Variants in CLIC5 observed in about 807,000 individuals in gnomAD.
CLIC5 encodes the protein CLIC family member 5.
In CLIC5, 20 loss-of-function variants were observed where a neutral mutation model predicts 24.7. The observed-to-expected ratio is 0.81, with a 90% CI of 0.57 to 1.18. The LOEUF is 1.18. Among genes scored for constraint, CLIC5 ranks in the 50% most tolerant of loss-of-function variants. The probability of loss-of-function intolerance (pLI) is 0.00; values close to 1 mark genes in which losing one functional copy is unlikely to be tolerated. For missense variants in CLIC5, 341 were observed against 326.1 expected (o/e 1.05, Z -0.35); for synonymous variants, 159 against 135.6 (o/e 1.17, Z -1.20).
chr6:46,083,923 G>A (rs1249082731), upstream of CLIC5, among the ~76,000 whole-genome samples: 1 of 152,116 alleles, frequency 6.6e-6, no homozygotes, highest in African/African-American at 2.4e-5. Flanking sequence ...TCTCTTTGTA[G>A]GTCACTCAGG....
intron 1 of CLIC5, among the ~76,000 whole-genome samples, chr6:45,960,213 C>T (rs1764800494): frequency 6.6e-6 from 1 of 152,018 alleles, no homozygotes; most frequent in South Asian, 2.1e-4. Context: ...TGATAATTGG[C>T]CAAAAGTCAC....
At chr6:46,078,331 G>C (rs1252012228) in intron 1 of CLIC5, among the ~76,000 whole-genome samples, 1 of 151,836 alleles carries the variant, frequency 6.6e-6, no homozygotes, top group Non-Finnish European at 1.5e-5. Flanking sequence ...TTGCACTCCA[G>C]CCTGGGTGAC....
At chr6:45,914,632 T>G in intron 4 of CLIC5, 1 of 857,890 alleles carries the variant, frequency 1.2e-6, no homozygotes, top group Non-Finnish European at 1.5e-6. Context: ...CACTAGCTAA[T>G]CTTTTGCTTT....
intron 6 of CLIC5, chr6:45,892,107 G>A (rs969941469): frequency 6.6e-6 from 1 of 152,094 alleles, no homozygotes; most frequent in Non-Finnish European, 1.5e-5. Flanking sequence ...CTTCCTGACC[G>A]AGGAAGACTA....
chr6:45,884,274 C>A (rs1762285211), intron 6 of CLIC5, among the ~76,000 whole-genome samples: 1 of 152,158 alleles, frequency 6.6e-6, no homozygotes, highest in Non-Finnish European at 1.5e-5. Context: ...AAAAGTGTCC[C>A]ACAGGTAGGA....
At chr6:46,072,052 T>C (rs1762615977) in intron 1 of CLIC5, among the ~76,000 whole-genome samples, 1 of 151,010 alleles carries the variant, frequency 6.6e-6, no homozygotes, top group African/African-American at 2.4e-5. Flanking sequence ...CACAGACAAA[T>C]AGAGGGGAAC....
At chr6:46,024,323 A>G (rs1485229783) in intron 1 of CLIC5, among the ~76,000 whole-genome samples, 1 of 152,196 alleles carries the variant, frequency 6.6e-6, no homozygotes, top group Non-Finnish European at 1.5e-5. Context: ...GCCAGTCAGA[A>G]CACTGCAATC....
rs1394269631 is a variant in CLIC5 at position 46,047,046 on chromosome 6, G to T, written c.540+32657C>A. ...AAGGGACCTACCGTAGTGTTCACAT[G>T]ATTTATTTTTGCAAAATTTGCAAGC... On this transcript the variant is annotated intron_variant, in intron 1 of 5. Coordinates refer to the CLIC5 transcript ENST00000185206. Among the ~76,000 whole-genome samples the T allele has an allele frequency of 7.2e-5, 11 of 152,290 alleles. No homozygotes were observed. In the South Asian group the frequency reaches 2.3e-3, roughly 32 times the overall value.
rs1043988083 is a variant in CLIC5, at chr6:45,941,424, A to C, written c.406+123T>G. 5.0e-4 allele frequency: 386 copies of C among 766,030 alleles called. 1 individual carries two copies. Among genetic ancestry groups the C allele is most frequent in the Middle Eastern group, 7.6e-4 (2 of 2,632 alleles). 47.5% of individuals were successfully genotyped at this position (766,030 alleles called of 1,614,324 possible). ...TGGCGGGGGGTGGGGGCAAATAATA[A>C]GCAGTATTGGTTCCAGATGCTTCTC... On this transcript the variant is annotated intron_variant, in intron 4 of 5. Coordinates refer to ENST00000339561, the MANE Select transcript of CLIC5 (RefSeq NM_016929.5).
chr6:45,884,559 C>T (rs1182531047), intron 6 of CLIC5, among the ~76,000 whole-genome samples: 1 of 152,162 alleles, frequency 6.6e-6, no homozygotes, highest in African/African-American at 2.4e-5. Flanking sequence ...CATGGCCACC[C>T]TAGTGCAAGG....
chr6:45,892,470 T>C (rs1025964573), intron 6 of CLIC5, among the ~76,000 whole-genome samples: 12 of 152,194 alleles, frequency 7.9e-5, no homozygotes, highest in African/African-American at 2.7e-4. Flanking sequence ...GGCTCAGTAG[T>C]CTCAGACCAG....
the CLIC5 span, among the ~76,000 whole-genome samples, chr6:46,111,645 C>T: frequency 6.6e-6 from 1 of 152,148 alleles, no homozygotes; most frequent in Non-Finnish European, 1.5e-5. Flanking sequence ...CTCTATCTAA[C>T]AACATTTAAC....
intron 1 of CLIC5, among the ~76,000 whole-genome samples, chr6:46,035,522 G>A (rs1372214252): frequency 6.6e-6 from 1 of 152,094 alleles, no homozygotes; most frequent in Admixed American, 6.5e-5. Flanking sequence ...GTTTGCCTCT[G>A]GATATTGAAT....
At chr6:45,987,847 A>G (rs1235668423) in intron 1 of CLIC5, among the ~76,000 whole-genome samples, 1 of 152,198 alleles carries the variant, frequency 6.6e-6, no homozygotes, top group African/African-American at 2.4e-5. Flanking sequence ...TCCTAAAAGC[A>G]CTATCTCCAG....
chr6:46,057,106 T>C (rs1187373278), intron 1 of CLIC5, among the ~76,000 whole-genome samples: 2 of 152,248 alleles, frequency 1.3e-5, no homozygotes, highest in Admixed American at 6.5e-5. Flanking sequence ...CCCAGTGGTA[T>C]GATGTTGCAT....
chr6:46,050,390 A>G (rs1002490936), intron 1 of CLIC5, among the ~76,000 whole-genome samples: 1 of 152,174 alleles, frequency 6.6e-6, no homozygotes, highest in African/African-American at 2.4e-5. Flanking sequence ...AGAAATGAAA[A>G]CCAACACAAT....
chr6:45,939,205 C>G (rs1407283314), intron 4 of CLIC5, among the ~76,000 whole-genome samples: 1 of 150,384 alleles, frequency 6.6e-6, no homozygotes, highest in African/African-American at 2.5e-5. Flanking sequence ...TGTCTGTGTC[C>G]TCTCCTCTCC....
chr6:46,042,370 T>A (rs183858431), intron 1 of CLIC5, among the ~76,000 whole-genome samples: 32 of 152,294 alleles, frequency 2.1e-4, no homozygotes, highest in African/African-American at 7.7e-4. Context: ...TCTGTAGGTT[T>A]TTTTTGTTTT....
intron 1 of CLIC5, among the ~76,000 whole-genome samples, chr6:46,051,024 A>C (rs1451062020): frequency 6.6e-6 from 1 of 152,160 alleles, no homozygotes; most frequent in East Asian, 1.9e-4. Context: ...AAAATGGAGA[A>C]TACCAACTAC....
Sources: allele counts gnomAD v4.1 joint callset (sites outside exome capture counted in the v4.1 genomes callset), GRCh38; gene constraint gnomAD v4.1.1; transcripts MANE v1.5; gene names NCBI Gene and HGNC (gene_info 2026-07-23, HGNC 2026-07-21).